Variants in BAG4 observed in about 807,000 individuals in gnomAD.
BAG4 encodes BAG family molecular chaperone regulator 4.
A neutral mutation model predicts 52.1 loss-of-function variants in BAG4; 28 were observed. The observed-to-expected ratio is 0.54, with a 90% CI of 0.40 to 0.74. The LOEUF (loss-of-function observed/expected upper bound fraction) is 0.74, where lower values mean the gene tolerates loss of function less well. Ranked by LOEUF, BAG4 falls within the 30% of genes least tolerant of loss-of-function variation. BAG4 has a pLI of 0.00. For missense variants in BAG4, 525 were observed against 572.0 expected, an observed-to-expected ratio of 0.92 and a Z score of 0.84; for synonymous variants, 208 against 217.0, an observed-to-expected ratio of 0.96 and a Z score of 0.37.
At chr8:38,193,975 G>T (rs1023026844) in intron 2 of BAG4, among the ~76,000 whole-genome samples, 9 of 152,146 alleles carry the variant, frequency 5.9e-5, no homozygotes, top group Non-Finnish European at 1.0e-4. Context: ...TTGACCTGGT[G>T]ATCTGCCTGC....
intron 4 of BAG4, 108 bp downstream of exon 4, chr8:38,209,375 AAGT>A: frequency 1.0e-5 from 15 of 1,468,470 alleles, no homozygotes; most frequent in Non-Finnish European, 1.4e-5. Context: ...TAATTACAAA[AAGT>A]TGGTGACTAC....
intron 1 of BAG4, among the ~76,000 whole-genome samples, chr8:38,187,519 G>A (rs555819471): frequency 6.6e-6 from 1 of 152,184 alleles, no homozygotes; most frequent in South Asian, 2.1e-4. Flanking sequence ...ATGCAAATAT[G>A]CTCTTTTCTT....
chr8:38,204,558 G>A (rs1167850667), intron 2 of BAG4, among the ~76,000 whole-genome samples: 1 of 151,874 alleles, frequency 6.6e-6, no homozygotes, highest in Non-Finnish European at 1.5e-5. Flanking sequence ...TTGGGAGGCT[G>A]AGGTGCCAGG....
At chr8:38,192,205 A>C (rs1175684359) in intron 1 of BAG4, among the ~76,000 whole-genome samples, 1 of 152,196 alleles carries the variant, frequency 6.6e-6, no homozygotes, top group Non-Finnish European at 1.5e-5. Context: ...GCACTAATTA[A>C]ATTAGTAGTC....
At chr8:38,179,778 TAAAG>T (rs1041095004) in intron 1 of BAG4, among the ~76,000 whole-genome samples, 61 of 150,254 alleles carry the variant, frequency 4.1e-4, no homozygotes, top group African/African-American at 1.3e-3. Flanking sequence ...AAAAAAAAAA[TAAAG>T]AAAGAAAGAT....
intron 2 of BAG4, among the ~76,000 whole-genome samples, chr8:38,193,527 A>G (rs958938372): frequency 6.6e-6 from 1 of 152,164 alleles, no homozygotes; most frequent in Non-Finnish European, 1.5e-5. Context: ...ACCAAATACA[A>G]TTGAAGCCCA....
Position 38,206,220 on chromosome 8 carries a change from A to G in BAG4, c.379-1292A>G, listed in dbSNP as rs543852474. 5.6e-4 allele frequency among the ~76,000 whole-genome samples: 84 copies of G among 150,990 alleles called. 3 individuals are homozygous for G. In the South Asian group the frequency reaches 0.017, roughly 30 times the overall value. The stretch of plus-strand genomic sequence containing the variant: ...AATCTGGGGGGTGGAGGTTGCAGTG[A>G]GCCAAGATCTTGCTACTGCACTCCA... On this transcript the variant is annotated intron_variant, in intron 2 of 4. Coordinates refer to ENST00000287322, the MANE Select transcript of BAG4 (RefSeq NM_004874.4).
intron 1 of BAG4, among the ~76,000 whole-genome samples, chr8:38,181,475 G>A (rs1019574794): frequency 6.6e-6 from 1 of 151,930 alleles, no homozygotes; most frequent in South Asian, 2.1e-4. Context: ...GGTGTCTCAC[G>A]CCTGTAATCC....
rs149233870 is a variant in BAG4, at chr8:38,181,773, C to T, written c.270+4634C>T. On this transcript the variant is annotated intron_variant, in intron 1 of 4. Transcript: ENST00000287322. ...AACAAAAATTAGCCGGGCGTGGTGG[C>T]GGGCGCCTGTAATTGCAGCTAGTCT... Among the ~76,000 whole-genome samples, 383 of 149,170 alleles carry T rather than the reference C, an allele frequency of 2.6e-3. 2 individuals are homozygous for T. The highest frequency in any genetic ancestry group is 9.1e-3 in the African/African-American group (371 of 40,556).
At chr8:38,201,006 T>C (rs1398848525) in intron 2 of BAG4, among the ~76,000 whole-genome samples, 4 of 152,250 alleles carry the variant, frequency 2.6e-5, no homozygotes, top group African/African-American at 7.2e-5. Context: ...TCATGAATTA[T>C]AAGTTAATGT....
At chr8:38,191,280 G>A (rs979783023) in intron 1 of BAG4, among the ~76,000 whole-genome samples, 7 of 152,110 alleles carry the variant, frequency 4.6e-5, no homozygotes, top group Admixed American at 3.9e-4. Flanking sequence ...TACCAACAGT[G>A]TTGATAATTA....
chr8:38,191,586 C>G (rs1051165103), intron 1 of BAG4, among the ~76,000 whole-genome samples: 1 of 151,920 alleles, frequency 6.6e-6, no homozygotes, highest in Non-Finnish European at 1.5e-5. Flanking sequence ...TAGTGAAACC[C>G]GGTCTCTACT....
At chr8:38,202,453 A>T (rs1803695020) in intron 2 of BAG4, among the ~76,000 whole-genome samples, 1 of 151,890 alleles carries the variant, frequency 6.6e-6, no homozygotes, top group Admixed American at 6.6e-5. Context: ...TTTTGTAGAG[A>T]GGGGGTTGCC....
chr8:38,190,362 C>T (rs1009594133), intron 1 of BAG4, among the ~76,000 whole-genome samples: 2 of 152,094 alleles, frequency 1.3e-5, no homozygotes, highest in Non-Finnish European at 2.9e-5. Flanking sequence ...CTAAAGATGT[C>T]CATTCAGAAA....
intron 2 of BAG4, among the ~76,000 whole-genome samples, chr8:38,205,031 T>G (rs1008986918): frequency 6.6e-6 from 1 of 151,944 alleles, no homozygotes; most frequent in Non-Finnish European, 1.5e-5. Flanking sequence ...AAAATATTTA[T>G]TTAGTTAGTT....
chr8:38,187,968 C>T lies in BAG4; in HGVS notation c.271-4720C>T, dbSNP rs370518332. ...AGGAGAATGGCATGAACCCGGGAGG[C>T]GGAGCTTGCAGTGAGCCGAGATCGT... On this transcript the variant is annotated intron_variant, in intron 1 of 4. Transcript: ENST00000287322. Among the ~76,000 whole-genome samples, 49 of 132,622 alleles carry T rather than the reference C, an allele frequency of 3.7e-4. No homozygotes were observed. The South Asian group carries it at 0.011, about 29-fold the overall frequency. The allele number at this position is 132,622 out of a possible 152,430, so 87.0% of individuals were successfully genotyped here.
intron 1 of BAG4, among the ~76,000 whole-genome samples, chr8:38,179,340 A>T (rs1003427601): frequency 1.3e-5 from 2 of 151,828 alleles, no homozygotes; most frequent in African/African-American, 4.8e-5. Flanking sequence ...TATTTTAAGT[A>T]GAGACGGGGT....
intron 2 of BAG4, among the ~76,000 whole-genome samples, chr8:38,204,556 C>T (rs1425335363): frequency 6.6e-6 from 1 of 151,690 alleles, no homozygotes; most frequent in Non-Finnish European, 1.5e-5. Flanking sequence ...CTTTGGGAGG[C>T]TGAGGTGCCA....
Position 38,194,879 on chromosome 8 carries a change from G to A in BAG4, c.378+2084G>A, listed in dbSNP as rs143170186. 1.6e-3 allele frequency among the ~76,000 whole-genome samples: 197 copies of A among 124,638 alleles called. 2 individuals carry two copies. The East Asian group carries it at 0.041, about 26-fold the overall frequency. The allele number at this position is 124,638 out of a possible 152,430, so 81.8% of individuals were successfully genotyped here. A position where few individuals can be genotyped will look rare whatever the true frequency, so the allele number is the denominator to read the frequency against. The stretch of plus-strand genomic sequence containing the variant: ...TTTTTTTTTGTTTTTTTTTTTGGCC[G>A]AGTCTCGCTCTGTTGCCCAGGCTGG... On this transcript the variant is annotated intron_variant, in intron 2 of 4. Transcript: ENST00000287322.
Sources: allele counts gnomAD v4.1 joint callset (sites outside exome capture counted in the v4.1 genomes callset), GRCh38; gene constraint gnomAD v4.1.1; transcripts MANE v1.5; gene names NCBI Gene and HGNC (gene_info 2026-07-23, HGNC 2026-07-21).